CUX1: variants seen among roughly 807,000 people sequenced by gnomAD.
CUX1 encodes the protein cut like homeobox 1, also known as protein CASP.
In CUX1, 31 loss-of-function variants were observed where a neutral mutation model predicts 158.8. The ratio of observed to expected loss-of-function variants is 0.20; its 90% CI spans 0.15 to 0.26. The LOEUF (loss-of-function observed/expected upper bound fraction) is 0.26, where lower values mean the gene tolerates loss of function less well. Ranked by LOEUF, CUX1 falls within the 10% of genes least tolerant of loss-of-function variation. The pLI is 1.00. For missense variants in CUX1, 1,589 were observed against 2,014.6 expected (o/e 0.79, Z 4.04); for synonymous variants, 879 against 862.1 (o/e 1.02, Z -0.34).
At chr7:102,081,428 G>T (rs557179007) in intron 4 of CUX1, among the ~76,000 whole-genome samples, 23 of 146,412 alleles carry the variant, frequency 1.6e-4, no homozygotes, top group Middle Eastern at 3.5e-3. Context: ...CTGTTTTCAT[G>T]ATAGTGAGTG....
At chr7:102,005,920 C>A (rs950224638) in intron 2 of CUX1, among the ~76,000 whole-genome samples, 2 of 152,182 alleles carry the variant, frequency 1.3e-5, no homozygotes, top group African/African-American at 4.8e-5. Context: ...TTACCAAAAC[C>A]AGAGGGTCTA....
At chr7:102,133,355 T>C (rs1157691035) in intron 8 of CUX1, among the ~76,000 whole-genome samples, 1 of 152,002 alleles carries the variant, frequency 6.6e-6, no homozygotes. Flanking sequence ...TGCCCACACT[T>C]ACCTGCTGTG....
chr7:102,133,467 C>CT (rs11266929), intron 8 of CUX1, among the ~76,000 whole-genome samples: 3,707 of 90,608 alleles, frequency 0.041, 620 homozygotes, highest in African/African-American at 0.14. Flanking sequence ...AAAAATACAT[C>CT]TTTTTTTTTT....
chr7:102,040,796 C>A (rs1172659062), intron 3 of CUX1, among the ~76,000 whole-genome samples: 4 of 152,218 alleles, frequency 2.6e-5, no homozygotes, highest in African/African-American at 7.2e-5. Context: ...CCGCCCACCA[C>A]CTCTGTGACC....
chr7:102,219,165 T>C (rs782514001), intron 20 of CUX1, among the ~76,000 whole-genome samples: 6 of 151,778 alleles, frequency 4.0e-5, no homozygotes, highest in Non-Finnish European at 8.8e-5. Flanking sequence ...GAGTTCATCT[T>C]ATCCTATTCT....
intron 1 of CUX1, among the ~76,000 whole-genome samples, chr7:101,896,364 C>T (rs1028603920): frequency 2.6e-4 from 39 of 152,078 alleles, no homozygotes; most frequent in Non-Finnish European, 1.8e-4. Flanking sequence ...AGCGTCGAAT[C>T]GGTGTGCGTT....
rs191037256 is a variant in CUX1, at chr7:102,060,903, C to T, written c.190-9436C>T. ...CTGCGATTACAGGTGTGAACCACCG[C>T]GCCTGGCCTTTTTTTTTTTTTTTTT... On this transcript the variant is annotated intron_variant, in intron 3 of 23. Coordinates refer to ENST00000292535, the MANE Select transcript of CUX1 (RefSeq NM_181552.4). 1.3e-4 allele frequency among the ~76,000 whole-genome samples: 19 copies of T among 145,734 alleles called. No homozygotes were observed. In the South Asian group the frequency reaches 3.3e-3, roughly 25 times the overall value.
At chr7:102,237,674 G>C (rs1038338645) in intron 22 of CUX1, among the ~76,000 whole-genome samples, 2 of 152,226 alleles carry the variant, frequency 1.3e-5, no homozygotes, top group Admixed American at 1.3e-4. Flanking sequence ...CAGGGTCTGT[G>C]GGTCTCTCCC....
chr7:101,888,979 A>T (rs1275312913), intron 1 of CUX1, among the ~76,000 whole-genome samples: 1 of 151,432 alleles, frequency 6.6e-6, no homozygotes, highest in Non-Finnish European at 1.5e-5. Context: ...CAGAAAACTG[A>T]TGCTGGCCAG....
At chr7:102,273,897 G>T (rs1554546953) in intron 15 of CUX1, among the ~76,000 whole-genome samples, 1 of 152,264 alleles carries the variant, frequency 6.6e-6, no homozygotes, top group Non-Finnish European at 1.5e-5. Context: ...AGAGTCCACA[G>T]TGGGACTCCG....
At chr7:101,904,281 C>G (rs575784560) in intron 1 of CUX1, among the ~76,000 whole-genome samples, 37 of 152,148 alleles carry the variant, frequency 2.4e-4, no homozygotes, top group Non-Finnish European at 4.3e-4. Context: ...GCCTGGGTAA[C>G]ACAGTGAGAC....
intron 8 of CUX1, among the ~76,000 whole-genome samples, chr7:102,128,792 A>G (rs1257929055): frequency 1.3e-5 from 2 of 152,050 alleles, no homozygotes; most frequent in Non-Finnish European, 2.9e-5. Flanking sequence ...AGACTGGCCA[A>G]CATGAGGAAA....
At chr7:101,873,226 T>C (rs1203416553) in intron 1 of CUX1, among the ~76,000 whole-genome samples, 2 of 150,180 alleles carry the variant, frequency 1.3e-5, no homozygotes, top group African/African-American at 4.9e-5. Flanking sequence ...CCATAGTACA[T>C]GTGCAGGATG....
intron 21 of CUX1, among the ~76,000 whole-genome samples, chr7:102,233,076 C>A (rs1395132238): frequency 6.6e-6 from 1 of 152,010 alleles, no homozygotes; most frequent in Non-Finnish European, 1.5e-5. Context: ...CTCCTGTTTG[C>A]TGTTTGGCCT....
chr7:101,838,529 C>CCT (rs1794878022), intron 1 of CUX1, among the ~76,000 whole-genome samples: 2 of 151,386 alleles, frequency 1.3e-5, no homozygotes, highest in Non-Finnish European at 2.9e-5. Flanking sequence ...GGGCCAGGCG[C>CCT]GGTAGCTCAC....
intron 3 of CUX1, 101 bp from the exon 4 acceptor site, chr7:102,070,238 C>A: frequency 1.0e-6 from 1 of 986,892 alleles, no homozygotes; most frequent in Non-Finnish European, 1.5e-6. Flanking sequence ...CAAGCATCTC[C>A]CTTGCTACGG....
intron 20 of CUX1, among the ~76,000 whole-genome samples, chr7:102,208,929 G>A (rs890049899): frequency 5.3e-5 from 8 of 152,200 alleles, no homozygotes; most frequent in Admixed American, 2.6e-4. Flanking sequence ...ATGGACTGGC[G>A]GTTGGTTTTC....
chr7:101,891,771 A>G (rs762470060), intron 1 of CUX1, among the ~76,000 whole-genome samples: 1 of 152,194 alleles, frequency 6.6e-6, no homozygotes, highest in Non-Finnish European at 1.5e-5. Context: ...TAGGTTTCAA[A>G]TATTAGTTTG....
chr7:102,054,028 G>A (rs1238408713), intron 3 of CUX1, among the ~76,000 whole-genome samples: 7 of 151,902 alleles, frequency 4.6e-5, no homozygotes, highest in Admixed American at 1.3e-4. Flanking sequence ...GGCTGGTCCC[G>A]AACTCCTGAC....
Sources: gnomAD v4.1 joint callset for allele counts (sites outside exome capture counted in the v4.1 genomes callset) on GRCh38, gnomAD v4.1.1 for gene constraint, MANE v1.5 for transcripts, NCBI Gene and HGNC (gene_info 2026-07-23, HGNC 2026-07-21) for gene names.